Variants in LRFN2 observed in about 807,000 individuals in gnomAD.
LRFN2 encodes the protein leucine-rich repeat and fibronectin type-III domain-containing protein 2.
A neutral mutation model predicts 37.3 loss-of-function variants in LRFN2; 18 were observed. That is an observed-to-expected ratio of 0.48 (90% CI 0.33 to 0.72). The LOEUF (loss-of-function observed/expected upper bound fraction) is 0.72. LRFN2 is among the 30% of genes least tolerant of loss of function. The pLI is 0.02. For synonymous variants in LRFN2, 556 were observed against 466.6 expected, an observed-to-expected ratio of 1.19 and a Z score of -2.47; for missense variants, 1,006 against 1,060.7, an observed-to-expected ratio of 0.95 and a Z score of 0.72.
chr6:40,540,584 G>A (rs1326350446), intron 1 of LRFN2, among the ~76,000 whole-genome samples: 1 of 152,186 alleles, frequency 6.6e-6, no homozygotes, highest in Non-Finnish European at 1.5e-5. Context: ...GGCAGCATGG[G>A]GAAGGAAGAT....
intron 1 of LRFN2, among the ~76,000 whole-genome samples, chr6:40,566,211 C>T (rs989851011): frequency 1.4e-4 from 21 of 152,150 alleles, no homozygotes; most frequent in Middle Eastern, 3.2e-3. Flanking sequence ...GTTAGAATGG[C>T]GACCATTAAA....
chr6:40,501,663 G>C (rs1765384934), intron 1 of LRFN2: 1 of 152,014 alleles, frequency 6.6e-6, no homozygotes, highest in South Asian at 2.1e-4. Context: ...TTTACATTTA[G>C]AAAATCTAGG....
chr6:40,395,306 G>A (rs1762592048), intron 2 of LRFN2, among the ~76,000 whole-genome samples: 1 of 152,204 alleles, frequency 6.6e-6, no homozygotes, highest in South Asian at 2.1e-4. Flanking sequence ...ACTAGCTTCT[G>A]GGTCCACGGT....
intron 2 of LRFN2, among the ~76,000 whole-genome samples, chr6:40,424,744 C>T (rs911189251): frequency 6.6e-6 from 1 of 152,138 alleles, no homozygotes; most frequent in Non-Finnish European, 1.5e-5. Context: ...GAATCCAGAC[C>T]CTCTTGGGAA....
At chr6:40,507,756 C>G (rs1390720686) in intron 1 of LRFN2, among the ~76,000 whole-genome samples, 1 of 152,172 alleles carries the variant, frequency 6.6e-6, no homozygotes, top group Non-Finnish European at 1.5e-5. Flanking sequence ...TTTGATCATG[C>G]CTCTTGTAGA....
chr6:40,555,293 G>A (rs1766850671), intron 1 of LRFN2, among the ~76,000 whole-genome samples: 1 of 152,190 alleles, frequency 6.6e-6, no homozygotes, highest in Non-Finnish European at 1.5e-5. Flanking sequence ...GGGCCCTAGG[G>A]GGATAGGCAC....
At chr6:40,517,531 A>AGG (rs1765918738) in intron 1 of LRFN2, 1 of 152,214 alleles carries the variant, frequency 6.6e-6, no homozygotes, top group Non-Finnish European at 1.5e-5. Context: ...AAGGCAGAGA[A>AGG]GTTCTTAAGC....
chr6:40,425,747 G>A (rs918296922), intron 2 of LRFN2, among the ~76,000 whole-genome samples: 4 of 152,242 alleles, frequency 2.6e-5, no homozygotes, highest in Non-Finnish European at 5.9e-5. Context: ...CTGCCTGCAG[G>A]GCTCAGCTGT....
intron 1 of LRFN2, among the ~76,000 whole-genome samples, chr6:40,519,660 C>T (rs1765993127): frequency 2.0e-5 from 3 of 152,328 alleles, no homozygotes; most frequent in Admixed American, 2.0e-4. Flanking sequence ...AAACCAGGCT[C>T]AGCATTGCTG....
At chr6:40,459,788 G>A (rs977068748) in intron 1 of LRFN2, among the ~76,000 whole-genome samples, 31 of 152,210 alleles carry the variant, frequency 2.0e-4, no homozygotes, top group African/African-American at 6.5e-4. Flanking sequence ...GATGGAGGGA[G>A]GACCTTTTAA....
intron 1 of LRFN2, among the ~76,000 whole-genome samples, chr6:40,452,227 G>A (rs987419730): frequency 2.0e-5 from 3 of 152,174 alleles, no homozygotes; most frequent in South Asian, 2.1e-4. Context: ...GCATGTCAGA[G>A]TTTCTCTAGG....
rs139301261 is a variant in LRFN2, at chr6:40,423,560, C to G, written c.1400+8154G>C. The stretch of plus-strand genomic sequence containing the variant: ...ATGGAGAGCAATAAAGTGATTTTCC[C>G]ATTGTCCCAGGACTAGTAAATGATG... On this transcript the variant is annotated intron_variant, in intron 2 of 2. Transcript: ENST00000338305. 6.6e-5 allele frequency among the ~76,000 whole-genome samples: 10 copies of G among 152,310 alleles called. No homozygotes were observed. The East Asian group carries it at 1.9e-3, about 29-fold the overall frequency.
intron 1 of LRFN2, among the ~76,000 whole-genome samples, chr6:40,571,571 C>G (rs759914979): frequency 2.0e-5 from 3 of 152,166 alleles, no homozygotes; most frequent in Admixed American, 2.0e-4. Context: ...AGCGGAACCT[C>G]GAGATTCCAG....
At chr6:40,576,845 T>C (rs944088894) in intron 1 of LRFN2, among the ~76,000 whole-genome samples, 1 of 152,086 alleles carries the variant, frequency 6.6e-6, no homozygotes, top group African/African-American at 2.4e-5. Context: ...TGGTTCTTGC[T>C]GCTGTCTCAT....
chr6:40,572,689 G>T (rs1767209942), intron 1 of LRFN2, among the ~76,000 whole-genome samples: 1 of 152,172 alleles, frequency 6.6e-6, no homozygotes, highest in South Asian at 2.1e-4. Flanking sequence ...TTAGAAGCCA[G>T]CCTGGCATTA....
chr6:40,498,967 C>T (rs1342985361), intron 1 of LRFN2, among the ~76,000 whole-genome samples: 1 of 152,222 alleles, frequency 6.6e-6, no homozygotes, highest in Non-Finnish European at 1.5e-5. Context: ...CTCAGACACA[C>T]CCAGAAAGGC....
At chr6:40,548,657 G>A (rs545379047) in intron 1 of LRFN2, among the ~76,000 whole-genome samples, 1 of 152,272 alleles carries the variant, frequency 6.6e-6, no homozygotes, top group Admixed American at 6.5e-5. Flanking sequence ...TTTTAATTCT[G>A]GAGGCCACAG....
chr6:40,433,219 G>C, intron 1 of LRFN2, 88 bp from the exon 2 acceptor site: 3 of 1,116,302 alleles, frequency 2.7e-6, no homozygotes, highest in Non-Finnish European at 3.7e-6. Flanking sequence ...AACCCTCACT[G>C]CCTTAGGGAG....
At chr6:40,579,985 G>A (rs1767366345) in intron 1 of LRFN2, among the ~76,000 whole-genome samples, 1 of 152,220 alleles carries the variant, frequency 6.6e-6, no homozygotes, top group African/African-American at 2.4e-5. Flanking sequence ...TGAAGGAAGT[G>A]AAGGTAGCAC....
Sources: allele counts gnomAD v4.1 joint callset (sites outside exome capture counted in the v4.1 genomes callset), GRCh38; gene constraint gnomAD v4.1.1; transcripts MANE v1.5; gene names NCBI Gene and HGNC (gene_info 2026-07-23, HGNC 2026-07-21).